TIE1: variants seen among roughly 807,000 people sequenced by gnomAD.
The protein encoded by TIE1 is tyrosine kinase with immunoglobulin like and EGF like domains 1.
A neutral mutation model predicts 130.5 loss-of-function variants in TIE1; 89 were observed. The observed-to-expected ratio is 0.68, with a 90% confidence interval of 0.57 to 0.81. The LOEUF (loss-of-function observed/expected upper bound fraction) is 0.81, where lower values mean the gene tolerates loss of function less well. Ranked by LOEUF, TIE1 falls within the 40% of genes least tolerant of loss-of-function variation. TIE1 has a pLI of 0.00. For missense variants in TIE1, 1,392 were observed against 1,559.8 expected (o/e 0.89, Z 1.81); for synonymous variants, 568 against 629.4 (o/e 0.90, Z 1.46).
In TIE1 at chr1:43,312,730, G is replaced by A. The variant is rs557733631; in HGVS notation, c.1927+129G>A. 7.1e-6 allele frequency: 8 copies of A among 1,126,924 alleles called. No homozygotes were observed. In the African/African-American group the frequency reaches 1.2e-4, roughly 18 times the overall value. The allele number at this position is 1,126,924 out of a possible 1,614,324, so 69.8% of individuals were successfully genotyped here. On this transcript the variant is annotated intron_variant, in intron 12 of 22. Coordinates refer to ENST00000372476, the MANE Select transcript of TIE1 (RefSeq NM_005424.5). This position sits in a 1 kb window ranked among gnomAD's most constrained non-coding sequence, Gnocchi z 5.6. ...TGGAGAGGACACAGGACACACATAG[G>A]GTATTAGGCAGACGTGACCCCAGCG...
chr1:43,322,716 G>T lies in TIE1; in HGVS notation c.3411G>T (p.Glu1137Asp). 1 of 1,613,740 alleles carries T rather than the reference G, an allele frequency of 6.2e-7. No individual in the cohort carries two copies. The highest frequency in any genetic ancestry group is 8.5e-7 in the Non-Finnish European group (1 of 1,179,968). The change falls in exon 23 of 23, where the codon GAG becomes GAT. Residue 1137 changes from glutamate (E) to aspartate (D), a missense_variant. By Grantham distance (45) the Glu-to-Asp change is conservative (BLOSUM62 2). This residue lies in a region of TIE1 where 104 missense variants were observed against 129.3 expected (regional missense o/e 0.80). Transcript: ENST00000372476. The surrounding 1 kb of genome is among the most constrained non-coding windows in gnomAD (Gnocchi z 4.0). The part of the protein sequence containing the change: ...TYAGIDATAE[E>D]A The stretch of plus-strand genomic sequence containing the variant: ...CGGGCATTGATGCCACAGCTGAGGA[G>T]GCCTGAGCTGCCATCCAGCCAGAAC...
In TIE1 at chr1:43,319,475, G is replaced by T. The variant is rs760950532; in HGVS notation, c.3053G>T (p.Arg1018Leu). 5 of 1,613,978 alleles carry T rather than the reference G, an allele frequency of 3.1e-6. No homozygotes were observed. Among genetic ancestry groups the T allele is most frequent in the Non-Finnish European group, 3.4e-6 (4 of 1,180,006 alleles). Residue 1018 changes from arginine to leucine, a missense_variant, in exon 19 of 23, where the codon CGC becomes CTC. Transcript: ENST00000372476. This position sits in a 1 kb window ranked among gnomAD's most constrained non-coding sequence, Gnocchi z 4.7. Reference sequence around the variant, plus strand: ...CTCTCCTAGGGGCGTCTCCCTGTGCGCTGGATGGCCATTGAGTCCCTGAAC... The same window carrying T: ...CTCTCCTAGGGGCGTCTCCCTGTGCTCTGGATGGCCATTGAGTCCCTGAAC... ...VKKTMGRLPVRWMAIESLNYS... is the reference protein window; with the variant it reads ...VKKTMGRLPVLWMAIESLNYS...
rs892888346 is a variant in TIE1 at position 43,319,232 on chromosome 1, C to T, written c.2923-3C>T. On this transcript the variant is annotated splice_region_variant and splice_polypyrimidine_tract_variant and intron_variant, in intron 17 of 22. Coordinates refer to ENST00000372476, the MANE Select transcript of TIE1 (RefSeq NM_005424.5). This position sits in a 1 kb window ranked among gnomAD's most constrained non-coding sequence, Gnocchi z 4.7. ...CTCTCCTGACTTCTGACCCTGCCTA[C>T]AGTTCATCCACAGGGACCTGGCTGC... is the stretch of plus-strand genomic sequence containing the variant. 1 of 1,611,546 alleles carries T rather than the reference C, an allele frequency of 6.2e-7. No individual in the cohort carries two copies. Among genetic ancestry groups the T allele is most frequent in the Non-Finnish European group, 8.5e-7 (1 of 1,177,644 alleles).
In TIE1 at chr1:43,312,506, C is replaced by T. The variant is rs768600555; in HGVS notation, c.1832C>T (p.Thr611Met). The T allele has an allele frequency of 1.2e-5, 20 of 1,613,248 alleles. No homozygotes were observed. Among genetic ancestry groups the T allele is most frequent in the Admixed American group, 3.3e-5 (2 of 60,010 alleles). ...CGCACTGCCCTCCTGACGGGACTCACGCCTGGCACCCACTACCAGCTGGAT... is the reference window on the plus strand; with the variant it reads ...CGCACTGCCCTCCTGACGGGACTCATGCCTGGCACCCACTACCAGCTGGAT... ...QARTALLTGLTPGTHYQLDVQ... is the reference protein window; with the variant it reads ...QARTALLTGLMPGTHYQLDVQ... Residue 611 changes from threonine to methionine, a missense_variant, in exon 12 of 23, where the codon ACG (threonine) becomes ATG (methionine). Transcript: ENST00000372476. The surrounding 1 kb of genome is among the most constrained non-coding windows in gnomAD (Gnocchi z 5.6).
chr1:43,306,998 CAG>C lies in TIE1; in HGVS notation c.640+6_640+7del, dbSNP rs1407227658. ...CTTCTTTCGGCTCATCGTGCGGGGT[CAG>C]AGGCAGAGGGCAGAGGTTGTGGGTA... On this transcript the variant is annotated splice_donor_5th_base_variant and intron_variant, in intron 4 of 22. Coordinates refer to ENST00000372476, the MANE Select transcript of TIE1 (RefSeq NM_005424.5). The surrounding 1 kb of genome is among the most constrained non-coding windows in gnomAD (Gnocchi z 4.9). 22 of 1,613,634 alleles carry C rather than the reference CAG, an allele frequency of 1.4e-5. No individual in the cohort carries two copies. Among genetic ancestry groups the C allele is most frequent in the Non-Finnish European group, 1.9e-5 (22 of 1,179,998 alleles).
intron 1 of TIE1, among the ~76,000 whole-genome samples, chr1:43,304,580 T>C (rs1052075943): frequency 1.3e-5 from 2 of 151,804 alleles, no homozygotes; most frequent in Non-Finnish European, 2.9e-5. Flanking sequence ...CAGAGAAGGA[T>C]TCGTGGTTTT....
In TIE1 at chr1:43,312,129, C is replaced by G. The variant is rs1179799652; in HGVS notation, c.1628C>G (p.Pro543Arg). ...CCCACCCTCATGACCACAGACTGTC[C>G]TGGTGAGAGGCCAAGAGTCATCCCT... ...GPPTLMTTDC[P>R]EPLLQPWLEG... The change falls in exon 11 of 23, where the codon CCT becomes CGT. Residue 543 changes from proline to arginine, a missense_variant and splice_region_variant. This residue lies in a region of TIE1 where 551 missense variants were observed against 565.5 expected (regional missense o/e 0.97). Transcript: ENST00000372476. The surrounding 1 kb of genome is among the most constrained non-coding windows in gnomAD (Gnocchi z 5.6). 6.5e-7 allele frequency: 1 copy of G among 1,546,688 alleles called. No individual in the cohort carries two copies. Among genetic ancestry groups the G allele is most frequent in the Non-Finnish European group, 8.7e-7 (1 of 1,146,324 alleles).
chr1:43,319,598 A>T lies in TIE1; in HGVS notation c.3107+69A>T. On this transcript the variant is annotated intron_variant, in intron 19 of 22. Coordinates refer to ENST00000372476, the MANE Select transcript of TIE1 (RefSeq NM_005424.5). The surrounding 1 kb of genome is among the most constrained non-coding windows in gnomAD (Gnocchi z 4.7). ...AATCACCCAGGCCTGACCTAGACAT[A>T]TCTCAGAAATGTCATAGGTGGTCTA... 2.7e-6 allele frequency: 4 copies of T among 1,473,620 alleles called. No individual in the cohort carries two copies. Among genetic ancestry groups the T allele is most frequent in the Non-Finnish European group, 3.8e-6 (4 of 1,052,900 alleles). The allele number at this position is 1,473,620 out of a possible 1,614,324, so 91.3% of individuals were successfully genotyped here.
rs1646831691 is a variant in TIE1 at position 43,313,902 on chromosome 1, A to T, written c.2343A>T (p.Leu781Phe). ...GCCTCACCATCCTGGCTGCCCTTTT[A>T]ACCCTGGTGTGCATCCGCAGAAGCT... Reference protein sequence around the residue: ...ATCLTILAALLTLVCIRRSCL... With the variant: ...ATCLTILAALFTLVCIRRSCL... Residue 781 changes from leucine (L) to phenylalanine (F), a missense_variant, in exon 14 of 23, where the codon TTA becomes TTT. Leu to Phe is a conservative substitution (Grantham distance 22, BLOSUM62 0). Around this residue, in one of 6 missense-constraint regions of TIE1, gnomAD observed 286 missense variants for 354.4 expected, o/e 0.81. Transcript: ENST00000372476. This position sits in a 1 kb window ranked among gnomAD's most constrained non-coding sequence, Gnocchi z 6.2. 3 of 1,614,028 alleles carry T rather than the reference A, an allele frequency of 1.9e-6. No individual in the cohort carries two copies. Among genetic ancestry groups the T allele is most frequent in the Non-Finnish European group, 2.5e-6 (3 of 1,179,990 alleles).
rs1646852602 is a variant in TIE1, at chr1:43,315,762, G to A, written c.2410-1437G>A. ...ACAGAAAGCCCTCACTGCTGTGGTG[G>A]GGGAGGGTAATGGGTACAGATGTCG... On this transcript the variant is annotated intron_variant, in intron 14 of 22. Transcript: ENST00000372476. This position sits in a 1 kb window ranked among gnomAD's most constrained non-coding sequence, Gnocchi z 4.4. Among the ~76,000 whole-genome samples, 1 of 152,162 alleles carries A rather than the reference G, an allele frequency of 6.6e-6. No individual in the cohort carries two copies. Among genetic ancestry groups the A allele is most frequent in the African/African-American group, 2.4e-5 (1 of 41,406 alleles).
intron 7 of TIE1, 102 bp downstream of exon 7, chr1:43,308,026 T>C (rs1646748739): frequency 6.6e-7 from 1 of 1,510,094 alleles, no homozygotes; most frequent in Non-Finnish European, 8.9e-7. Flanking sequence ...CCTACGAGGG[T>C]CCAAGTCCTG....
At chr1:43,304,059 C>A (rs1171033333) in intron 1 of TIE1, among the ~76,000 whole-genome samples, 1 of 147,548 alleles carries the variant, frequency 6.8e-6, no homozygotes, top group Non-Finnish European at 1.5e-5. Flanking sequence ...GGGCTGCCCT[C>A]CCTGGCTCTG....
rs202058349 is a variant in TIE1, at chr1:43,301,029, C to T, written c.-43C>T. On this transcript the variant is annotated 5_prime_UTR_variant, in exon 1 of 23. Transcript: ENST00000372476. ...CAGTCAGGCCCACAGCATCTGACCC[C>T]AGGCCCAGCTCGTCCTGGCTGGCCT... is the stretch of plus-strand genomic sequence containing the variant. 6.2e-7 allele frequency: 1 copy of T among 1,611,348 alleles called. No individual in the cohort carries two copies. Among genetic ancestry groups the T allele is most frequent in the African/African-American group, 1.3e-5 (1 of 74,974 alleles).
rs1646873919 is a variant in TIE1, at chr1:43,317,770, C to G, written c.2731+96C>G. ...GTAGCTTGCCAGGGGCTGCTGGTGA[C>G]CTGTGCACCACCCTTGATCCTCCTT... On this transcript the variant is annotated intron_variant, in intron 16 of 22. Coordinates refer to ENST00000372476, the MANE Select transcript of TIE1 (RefSeq NM_005424.5). The surrounding 1 kb of genome is among the most constrained non-coding windows in gnomAD (Gnocchi z 5.1). 17 of 1,464,066 alleles carry G rather than the reference C, an allele frequency of 1.2e-5. No individual in the cohort carries two copies. Among genetic ancestry groups the G allele is most frequent in the Middle Eastern group, 1.9e-4 (1 of 5,166 alleles). The allele number at this position is 1,464,066 out of a possible 1,614,324, so 90.7% of individuals were successfully genotyped here.
At position 43,313,508 on chromosome 1, in the gene TIE1, G is replaced by A; in HGVS notation, c.2218+83G>A. 2 of 1,523,380 alleles carry A rather than the reference G, an allele frequency of 1.3e-6. No homozygotes were observed. Among genetic ancestry groups the A allele is most frequent in the Non-Finnish European group, 1.8e-6 (2 of 1,118,720 alleles). The allele number at this position is 1,523,380 out of a possible 1,614,324, so 94.4% of individuals were successfully genotyped here. A position where few individuals can be genotyped will look rare whatever the true frequency, so the allele number is the denominator to read the frequency against. On this transcript the variant is annotated intron_variant, in intron 13 of 22. Transcript: ENST00000372476. This position sits in a 1 kb window ranked among gnomAD's most constrained non-coding sequence, Gnocchi z 6.2. ...CTCTCCTTCCACATCACCCCCTACT[G>A]TGGAGCTAGGGCATCCCAGGCCCCT...
Position 43,322,948 on chromosome 1 carries a change from C to T in TIE1, c.*226C>T. 1 of 538,570 alleles carries T rather than the reference C, an allele frequency of 1.9e-6. No homozygotes were observed. The highest frequency in any genetic ancestry group is 3.3e-6 in the Non-Finnish European group (1 of 300,408). The allele number at this position is 538,570 out of a possible 1,614,324, so 33.4% of individuals were successfully genotyped here. A position where few individuals can be genotyped will look rare whatever the true frequency, so the allele number is the denominator to read the frequency against. On this transcript the variant is annotated 3_prime_UTR_variant, in exon 23 of 23. Transcript: ENST00000372476. The surrounding 1 kb of genome is among the most constrained non-coding windows in gnomAD (Gnocchi z 4.0). ...CTGGGCATCCTTCTTTCTAGTTCAGCTGCCCCACAGGTGTGTTTCCCATCC... is the reference window on the plus strand; with the variant it reads ...CTGGGCATCCTTCTTTCTAGTTCAGTTGCCCCACAGGTGTGTTTCCCATCC...
At chr1:43,314,578 A>G (rs1646840887) in intron 14 of TIE1, 1 of 986,970 alleles carries the variant, frequency 1.0e-6, no homozygotes, top group African/African-American at 1.7e-5. Context: ...CTGTAATCCT[A>G]GCATTTTGGG....
Position 43,304,858 on chromosome 1 carries a change from G to A in TIE1, c.66G>A (p.Ala22=), listed in dbSNP as rs1212148334. 5 of 1,420,034 alleles carry A rather than the reference G, an allele frequency of 3.5e-6. No individual in the cohort carries two copies. The highest frequency in any genetic ancestry group is 3.1e-5 in the Admixed American group (1 of 32,468). The allele number at this position is 1,420,034 out of a possible 1,614,324, so 88.0% of individuals were successfully genotyped here. A position where few individuals can be genotyped will look rare whatever the true frequency, so the allele number is the denominator to read the frequency against. The change falls in exon 2 of 23, where the codon GCG becomes GCA. Residue 22 remains alanine, a synonymous_variant. Coordinates refer to ENST00000372476, the MANE Select transcript of TIE1 (RefSeq NM_005424.5). ...CTGGTGTCCTGGCCCCAGGCGCGGC[G>A]GTGGACCTGACGCTGCTGGCCAACC... is the stretch of plus-strand genomic sequence containing the variant. ...ILFLASHVGA[A]VDLTLLANLR... is the part of the protein sequence containing the mutation.
chr1:43,312,077 G>A lies in TIE1; in HGVS notation c.1576G>A (p.Glu526Lys), dbSNP rs1243488598. 1.2e-6 allele frequency: 2 copies of A among 1,603,154 alleles called. No individual in the cohort carries two copies. The highest frequency in any genetic ancestry group is 1.7e-6 in the Non-Finnish European group (2 of 1,173,186). Residue 526 changes from glutamate to lysine, a missense_variant, in exon 11 of 23, where the codon GAA (glutamate) becomes AAA (lysine). Physicochemically the swap from Glu to Lys is moderately conservative, Grantham distance 56. Transcript: ENST00000372476. This position sits in a 1 kb window ranked among gnomAD's most constrained non-coding sequence, Gnocchi z 5.6. ...SVRVQLSRPG[E>K]GGEGAWGPPT... ...TCGTGTGCAGCTGAGCCGGCCAGGG[G>A]AAGGAGGAGAGGGGGCCTGGGGGCC...
Sources: gnomAD v4.1 joint callset for allele counts (sites outside exome capture counted in the v4.1 genomes callset) on GRCh38, gnomAD v4.1.1 for gene constraint, gnomAD v4.1.1 regional missense constraint, Gnocchi (gnomAD v3.1) non-coding constraint, MANE v1.5 for transcripts, NCBI Gene and HGNC (gene_info 2026-07-23, HGNC 2026-07-21) for gene names.